URGCP: variants seen among roughly 807,000 people sequenced by gnomAD.
The protein encoded by URGCP is up-regulator of cell proliferation.
URGCP carries 13 observed loss-of-function variants against 24.6 expected under a neutral mutation model. The observed-to-expected ratio is 0.53, with a 90% confidence interval of 0.34 to 0.84. URGCP has a LOEUF of 0.84. URGCP is among the 40% of genes least tolerant of loss of function. URGCP has a pLI of 0.01. For synonymous variants in URGCP, 444 were observed against 487.2 expected, an observed-to-expected ratio of 0.91 and a Z score of 1.17; for missense variants, 899 against 1,194.3, an observed-to-expected ratio of 0.75 and a Z score of 3.64.
At position 43,879,093 on chromosome 7, in the gene URGCP, C is replaced by A; in HGVS notation, c.370G>T (p.Ala124Ser). 6.2e-7 allele frequency: 1 copy of A among 1,614,210 alleles called. No individual in the cohort carries two copies. The highest frequency in any genetic ancestry group is 8.5e-7 in the Non-Finnish European group (1 of 1,180,042). The stretch of plus-strand genomic sequence containing the variant: ...GTATTCCTGGCATCAGCATTGAGGG[C>A]CTGCAACTTCCTGAGGAAATTCCAG... Reference protein sequence around the residue: ...LPWNFLRKLQALNADARNTTM... With the variant: ...LPWNFLRKLQSLNADARNTTM... Residue 124 changes from alanine (A) to serine (S), a missense_variant, in exon 6 of 6, where the codon GCC becomes TCC. Coordinates refer to ENST00000453200, the MANE Select transcript of URGCP (RefSeq NM_001077663.3).
rs1340228070 is a variant in URGCP at position 43,876,471 on chromosome 7, C to A, written c.*196G>T. The A allele has an allele frequency of 3.2e-6, 2 of 619,822 alleles. No individual in the cohort carries two copies. Among genetic ancestry groups the A allele is most frequent in the African/African-American group, 1.8e-5 (1 of 54,368 alleles). The allele number at this position is 619,822 out of a possible 1,614,324, so 38.4% of individuals were successfully genotyped here. ...GGGGCTGTGATATTCTTGGTAACATCTCTGAGCTGGTCTGTGAGGTCACTT... is the reference window on the plus strand; with the variant it reads ...GGGGCTGTGATATTCTTGGTAACATATCTGAGCTGGTCTGTGAGGTCACTT... On this transcript the variant is annotated 3_prime_UTR_variant, in exon 6 of 6. Coordinates refer to ENST00000453200, the MANE Select transcript of URGCP (RefSeq NM_001077663.3).
intron 1 of URGCP, among the ~76,000 whole-genome samples, chr7:43,912,643 C>A (rs1313150177): frequency 6.6e-6 from 1 of 152,190 alleles, no homozygotes; most frequent in African/African-American, 2.4e-5. Flanking sequence ...ATTGTATCTG[C>A]AGATCACTTG....
At chr7:43,900,464 C>CAAAAAAAAAAA (rs1166653286) in intron 1 of URGCP, among the ~76,000 whole-genome samples, 3 of 54,426 alleles carry the variant, frequency 5.5e-5, no homozygotes, top group East Asian at 4.8e-4. Flanking sequence ...CAAAAAAAAC[C>CAAAAAAAAAAA]AAAACAAAAA....
intron 1 of URGCP, among the ~76,000 whole-genome samples, chr7:43,915,810 A>G (rs555956911): frequency 7.9e-5 from 12 of 152,334 alleles, no homozygotes; most frequent in African/African-American, 2.9e-4. Context: ...GGAGTTTGAG[A>G]CTAGCCTGGC....
intron 1 of URGCP, chr7:43,919,997 A>G: frequency 7.5e-7 from 1 of 1,336,412 alleles, no homozygotes; most frequent in South Asian, 1.2e-5. Context: ...GCAGCAGCTC[A>G]TGGATGAGTA....
At chr7:43,885,251 C>T (rs986365095) in intron 3 of URGCP, among the ~76,000 whole-genome samples, 2 of 152,066 alleles carry the variant, frequency 1.3e-5, no homozygotes, top group Non-Finnish European at 2.9e-5. Context: ...CAGGCGCCCA[C>T]CATCCCTCCC....
chr7:43,899,831 G>C (rs976697901), intron 1 of URGCP, among the ~76,000 whole-genome samples: 3 of 152,136 alleles, frequency 2.0e-5, no homozygotes, highest in Non-Finnish European at 4.4e-5. Flanking sequence ...GAAAGTATTA[G>C]AGACCCTAAA....
intron 1 of URGCP, among the ~76,000 whole-genome samples, chr7:43,912,071 A>G (rs1224050055): frequency 1.3e-5 from 2 of 152,202 alleles, no homozygotes; most frequent in African/African-American, 4.8e-5. Flanking sequence ...TAAGAGGGCA[A>G]TTTATACTTT....
chr7:43,881,837 C>T (rs1478434272), intron 4 of URGCP, 70 bp downstream of exon 4: 29 of 1,604,982 alleles, frequency 1.8e-5, no homozygotes, highest in Middle Eastern at 1.7e-4. Context: ...TATAAAATCC[C>T]GGTTATCTGT....
rs767321555 is a variant in URGCP at position 43,877,324 on chromosome 7, A to C, written c.2139T>G (p.Phe713Leu). The change falls in exon 6 of 6, where the codon TTT becomes TTG. Residue 713 changes from phenylalanine to leucine, a missense_variant. By Grantham distance (22) the Phe-to-Leu change is conservative. Coordinates refer to ENST00000453200, the MANE Select transcript of URGCP (RefSeq NM_001077663.3). Reference sequence around the variant, plus strand: ...TCTTCCCTGTGGCAAACCGCAGCCCAAACATGGTGTTGAGGAGTGTGGACT... The same window carrying C: ...TCTTCCCTGTGGCAAACCGCAGCCCCAACATGGTGTTGAGGAGTGTGGACT... ...TGKSTLLNTMFGLRFATGKSC... is the reference protein window; with the variant it reads ...TGKSTLLNTMLGLRFATGKSC... 2.3e-5 allele frequency: 37 copies of C among 1,612,958 alleles called. No homozygotes were observed. The highest frequency in any genetic ancestry group is 1.8e-5 in the Non-Finnish European group (21 of 1,180,034).
At chr7:43,895,754 A>G (rs939388877) in intron 1 of URGCP, among the ~76,000 whole-genome samples, 1 of 152,246 alleles carries the variant, frequency 6.6e-6, no homozygotes, top group African/African-American at 2.4e-5. Flanking sequence ...AATGTAAGTT[A>G]GTACAGCCTT....
At chr7:43,898,115 C>T (rs780380575) in intron 1 of URGCP, among the ~76,000 whole-genome samples, 99 of 152,238 alleles carry the variant, frequency 6.5e-4, no homozygotes, top group Admixed American at 1.5e-3. Context: ...CGGCAACTTC[C>T]CTAAAGATAC....
chr7:43,891,265 C>T (rs952762798), intron 1 of URGCP, among the ~76,000 whole-genome samples: 1 of 152,174 alleles, frequency 6.6e-6, no homozygotes, highest in African/African-American at 2.4e-5. Flanking sequence ...CTGGATGGTG[C>T]CCATAAAACA....
intron 1 of URGCP, among the ~76,000 whole-genome samples, chr7:43,913,636 C>A (rs1483787432): frequency 1.3e-5 from 2 of 152,076 alleles, no homozygotes; most frequent in Non-Finnish European, 2.9e-5. Flanking sequence ...TATGATGAAT[C>A]ACTTCTCTCT....
In URGCP at chr7:43,877,028, A is replaced by G; in HGVS notation, c.2435T>C (p.Met812Thr). Residue 812 changes from methionine (M) to threonine (T), a missense_variant, in exon 6 of 6, where the codon ATG becomes ACG. By Grantham distance (81) the Met-to-Thr change is moderately conservative (BLOSUM62 -1). Coordinates refer to ENST00000453200, the MANE Select transcript of URGCP (RefSeq NM_001077663.3). Reference protein sequence around the residue: ...AFLRLEKTGHMPNYQFVYQNL... With the variant: ...AFLRLEKTGHTPNYQFVYQNL... ...CTGGTATACAAACTGGTAGTTGGGCATGTGCCCCGTTTTTTCTAACCTCAG... is the reference window on the plus strand; with the variant it reads ...CTGGTATACAAACTGGTAGTTGGGCGTGTGCCCCGTTTTTTCTAACCTCAG... The G allele has an allele frequency of 6.2e-7, 1 of 1,614,244 alleles. No individual in the cohort carries two copies. Among genetic ancestry groups the G allele is most frequent in the South Asian group, 1.1e-5 (1 of 91,092 alleles).
chr7:43,910,447 C>CA (rs2095908867), upstream of URGCP, among the ~76,000 whole-genome samples: 1 of 125,288 alleles, frequency 8.0e-6, no homozygotes, highest in Admixed American at 1.1e-4. Context: ...CCAGGCTGGT[C>CA]TCAAACTTCT....
In URGCP at chr7:43,898,842, T is replaced by TAAAA. The variant is rs35455149; in HGVS notation, c.14+7716_14+7719dup. 9.8e-4 allele frequency among the ~76,000 whole-genome samples: 136 copies of TAAAA among 139,326 alleles called. 2 individuals carry two copies. In the South Asian group the frequency reaches 0.014, roughly 14 times the overall value. The allele number at this position is 139,326 out of a possible 152,430, so 91.4% of individuals were successfully genotyped here. ...TCTGGATTTTCAGAGAGGAAAGAGT[T>TAAAA]AAAAAAAAAAAAGGCTGGGTGTGGT... is the stretch of plus-strand genomic sequence containing the variant. On this transcript the variant is annotated intron_variant, in intron 1 of 5. Coordinates refer to ENST00000453200, the MANE Select transcript of URGCP (RefSeq NM_001077663.3).
At chr7:43,884,746 A>C (rs543114474) in intron 3 of URGCP, among the ~76,000 whole-genome samples, 16 of 152,300 alleles carry the variant, frequency 1.1e-4, no homozygotes, top group African/African-American at 3.8e-4. Flanking sequence ...AGACAGGAGA[A>C]TCCCTTGAGG....
intron 1 of URGCP, chr7:43,919,893 C>T (rs780416749): frequency 4.6e-6 from 6 of 1,304,670 alleles, no homozygotes; most frequent in South Asian, 3.6e-5. Context: ...TGACAAGCTG[C>T]GGAAGTGGGA....
Sources: gnomAD v4.1 joint callset for allele counts (sites outside exome capture counted in the v4.1 genomes callset) on GRCh38, gnomAD v4.1.1 for gene constraint, MANE v1.5 for transcripts, NCBI Gene and HGNC (gene_info 2026-07-23, HGNC 2026-07-21) for gene names.